G2E3: variants seen among roughly 807,000 people sequenced by gnomAD.
The protein encoded by G2E3 is G2/M phase-specific E3 ubiquitin-protein ligase.
In G2E3, 35 loss-of-function variants were observed where a neutral mutation model predicts 92.8. The observed-to-expected ratio is 0.38, with a 90% confidence interval of 0.29 to 0.50. G2E3 has a LOEUF of 0.50. Among genes scored for constraint, G2E3 ranks in the 20% least tolerant of loss-of-function variants. The pLI, the probability that G2E3 is intolerant of heterozygous loss-of-function variation, is 0.94. For synonymous variants in G2E3, 242 were observed against 272.4 expected (o/e 0.89, Z 1.10); for missense variants, 554 against 823.8 (o/e 0.67, Z 4.01).
intron 12 of G2E3, among the ~76,000 whole-genome samples, chr14:30,610,879 A>G (rs971588786): frequency 4.6e-5 from 7 of 152,196 alleles, no homozygotes; most frequent in Non-Finnish European, 1.0e-4. Context: ...AGCCATGCCC[A>G]TTTGCTACTG....
intron 12 of G2E3, among the ~76,000 whole-genome samples, chr14:30,608,574 G>A (rs1881939637): frequency 1.3e-5 from 2 of 152,214 alleles, no homozygotes; most frequent in Admixed American, 1.3e-4. Flanking sequence ...GTAGGGATCG[G>A]GGAGGACTTA....
intron 10 of G2E3, among the ~76,000 whole-genome samples, chr14:30,603,171 C>T (rs1881657496): frequency 6.6e-6 from 1 of 151,960 alleles, no homozygotes; most frequent in African/African-American, 2.4e-5. Context: ...ATTAAAAATA[C>T]AAAAATTAGC....
rs1402484417 is a variant in G2E3 at position 30,619,012 on chromosome 14, C to T, written c.*2478C>T. Reference sequence around the variant, plus strand: ...AACTATAAATTGATCTATAATGCATCTACTGTTAATGGTTTTGGTTAGTTT... The same window carrying T: ...AACTATAAATTGATCTATAATGCATTTACTGTTAATGGTTTTGGTTAGTTT... On this transcript the variant is annotated 3_prime_UTR_variant, in exon 15 of 15. Coordinates refer to ENST00000206595, the MANE Select transcript of G2E3 (RefSeq NM_017769.5). 2 of 151,992 alleles carry T rather than the reference C, an allele frequency of 1.3e-5. No homozygotes were observed. The highest frequency in any genetic ancestry group is 6.5e-5 in the Admixed American group (1 of 15,272). 9.4% of individuals were successfully genotyped at this position (151,992 alleles called of 1,614,324 possible). A position where few individuals can be genotyped will look rare whatever the true frequency, so the allele number is the denominator to read the frequency against.
chr14:30,592,425 T>C lies in G2E3; in HGVS notation c.340T>C (p.Phe114Leu), dbSNP rs752067072. The stretch of plus-strand genomic sequence containing the variant: ...ATGTGGACTTCAGAGAGAATGTATT[T>C]TCCAGTTTACTGGCAATTTTGCGTG... ...FPCGLQRECIFQFTGNFASFC... is the reference protein window; with the variant it reads ...FPCGLQRECILQFTGNFASFC... Residue 114 changes from phenylalanine to leucine, a missense_variant, in exon 5 of 15, where the codon TTC (phenylalanine) becomes CTC (leucine). Physicochemically the swap from Phe to Leu is conservative, Grantham distance 22. Transcript: ENST00000206595. The C allele has an allele frequency of 6.3e-7, 1 of 1,586,892 alleles. No homozygotes were observed. Among genetic ancestry groups the C allele is most frequent in the South Asian group, 1.2e-5 (1 of 86,294 alleles).
chr14:30,596,645 G>C (rs1291616226), intron 6 of G2E3, among the ~76,000 whole-genome samples: 2 of 152,106 alleles, frequency 1.3e-5, no homozygotes, highest in African/African-American at 4.8e-5. Context: ...ACTCCTTCTT[G>C]TTTCTTTCAT....
At chr14:30,615,198 A>G in intron 13 of G2E3, 151 bp from the exon 14 acceptor site, 1 of 520,894 alleles carries the variant, frequency 1.9e-6, no homozygotes, top group Non-Finnish European at 3.4e-6. Flanking sequence ...ACATCTGAAA[A>G]TATGATTGTC....
At chr14:30,606,168 CAT>C (rs960051101) in intron 11 of G2E3, among the ~76,000 whole-genome samples, 1 of 151,872 alleles carries the variant, frequency 6.6e-6, no homozygotes, top group African/African-American at 2.4e-5. Context: ...TTGCGGTTAA[CAT>C]AGAGTTTTTA....
At chr14:30,567,580 G>A (rs1879514910) in intron 1 of G2E3, among the ~76,000 whole-genome samples, 1 of 151,170 alleles carries the variant, frequency 6.6e-6, no homozygotes, top group Non-Finnish European at 1.5e-5. Context: ...TTTCAATTTT[G>A]TCGATCTTCT....
chr14:30,564,626 GC>G (rs548616661), intron 1 of G2E3, among the ~76,000 whole-genome samples: 131 of 152,264 alleles, frequency 8.6e-4, no homozygotes, highest in Admixed American at 2.2e-3. Flanking sequence ...GAGCCACCAT[GC>G]CCAGTCAAAA....
chr14:30,592,298 C>T (rs140390861), intron 4 of G2E3, 25 bp from the exon 5 acceptor site: 2 of 1,604,062 alleles, frequency 1.2e-6, no homozygotes, highest in South Asian at 2.2e-5. Context: ...TATGTTGTGA[C>T]CCCTATTTTC....
At chr14:30,592,612 A>G (rs201360494) in intron 5 of G2E3, among the ~76,000 whole-genome samples, 165 bp downstream of exon 5, 186 of 96,646 alleles carry the variant, frequency 1.9e-3, no homozygotes, top group African/African-American at 7.1e-3. Flanking sequence ...GGTCATTTCT[A>G]TGTGCCAAGT....
chr14:30,617,157 AGCTGG>A lies in G2E3; in HGVS notation c.*626_*630del, dbSNP rs1882350063. 6.6e-6 allele frequency: 1 copy of A among 152,084 alleles called. No homozygotes were observed. Among genetic ancestry groups the A allele is most frequent in the African/African-American group, 2.4e-5 (1 of 41,416 alleles). The allele number at this position is 152,084 out of a possible 1,614,324, so 9.4% of individuals were successfully genotyped here. ...AAGTATTATATAAAAAGCAGAATTAAGCTGGGCACATGTGCTTGTAATCTCAGTTA... is the reference window on the plus strand; with the variant it reads ...AAGTATTATATAAAAAGCAGAATTAAGCACATGTGCTTGTAATCTCAGTTA... On this transcript the variant is annotated 3_prime_UTR_variant, in exon 15 of 15. Coordinates refer to ENST00000206595, the MANE Select transcript of G2E3 (RefSeq NM_017769.5).
chr14:30,561,645 T>A (rs1379201422), intron 1 of G2E3, among the ~76,000 whole-genome samples: 3 of 152,210 alleles, frequency 2.0e-5, no homozygotes, highest in Non-Finnish European at 4.4e-5. Context: ...CTCAAATGGG[T>A]TTAAAGACTT....
intron 1 of G2E3, chr14:30,577,701 C>G (rs1346400602): frequency 6.6e-6 from 1 of 152,160 alleles, no homozygotes; most frequent in Non-Finnish European, 1.5e-5. Flanking sequence ...GTCACAATGC[C>G]TTTTATGACA....
rs1882386055 is a variant in G2E3, at chr14:30,617,862, A to G, written c.*1328A>G. 1 of 152,120 alleles carries G rather than the reference A, an allele frequency of 6.6e-6. No individual in the cohort carries two copies. The highest frequency in any genetic ancestry group is 2.1e-4 in the South Asian group (1 of 4,828). The allele number at this position is 152,120 out of a possible 1,614,324, so 9.4% of individuals were successfully genotyped here. A position where few individuals can be genotyped will look rare whatever the true frequency, so the allele number is the denominator to read the frequency against. Reference sequence around the variant, plus strand: ...ATACTCCCACAGAAGAAAAAATTGGAAAACAAAGTCTGATGTCCTTAATCT... The same window carrying G: ...ATACTCCCACAGAAGAAAAAATTGGGAAACAAAGTCTGATGTCCTTAATCT... On this transcript the variant is annotated 3_prime_UTR_variant, in exon 15 of 15. Coordinates refer to ENST00000206595, the MANE Select transcript of G2E3 (RefSeq NM_017769.5).
intron 11 of G2E3, among the ~76,000 whole-genome samples, chr14:30,607,626 G>A (rs932664942): frequency 6.6e-6 from 1 of 152,108 alleles, no homozygotes; most frequent in African/African-American, 2.4e-5. Context: ...GTGCATGACT[G>A]TACACCAAAG....
intron 3 of G2E3, among the ~76,000 whole-genome samples, chr14:30,588,265 AT>A (rs950713039): frequency 5.3e-5 from 8 of 151,946 alleles, no homozygotes; most frequent in Non-Finnish European, 1.0e-4. Flanking sequence ...GGATTATTTT[AT>A]TTTTTTCTAT....
intron 10 of G2E3, among the ~76,000 whole-genome samples, chr14:30,603,656 A>G (rs1161984654): frequency 1.3e-5 from 2 of 152,098 alleles, no homozygotes; most frequent in Non-Finnish European, 2.9e-5. Context: ...AGTCTGGGCA[A>G]TATTACGAAA....
rs764182505 is a variant in G2E3, at chr14:30,598,534, C to T, written c.687C>T (p.His229=). Residue 229 remains histidine (H), a synonymous_variant, in exon 8 of 15, where the codon CAC becomes CAT. Coordinates refer to ENST00000206595, the MANE Select transcript of G2E3 (RefSeq NM_017769.5). ...EENAYQELLQ[H]YERCDVRRCR... The stretch of plus-strand genomic sequence containing the variant: ...ACGCTTATCAAGAGCTTCTGCAGCA[C>T]TATGAGCGTTGTGATGTTCGAAGAT... 3.1e-6 allele frequency: 5 copies of T among 1,613,918 alleles called. No individual in the cohort carries two copies. Among genetic ancestry groups the T allele is most frequent in the Admixed American group, 1.7e-5 (1 of 60,024 alleles).
Sources: gnomAD v4.1 joint callset for allele counts (sites outside exome capture counted in the v4.1 genomes callset) on GRCh38, gnomAD v4.1.1 for gene constraint, MANE v1.5 for transcripts, NCBI Gene and HGNC (gene_info 2026-07-23, HGNC 2026-07-21) for gene names.